DOCK2: variants seen among roughly 807,000 people sequenced by gnomAD.
DOCK2 encodes the protein dedicator of cytokinesis protein 2.
Under a neutral mutation model 248.9 loss-of-function variants are expected in DOCK2, and 87 were observed. That is an observed-to-expected ratio of 0.35 (90% confidence interval 0.29 to 0.42). The LOEUF (loss-of-function observed/expected upper bound fraction) is 0.42, where lower values mean the gene tolerates loss of function less well. DOCK2 is among the 10% of genes least tolerant of loss of function. The pLI is 1.00. For synonymous variants in DOCK2, 805 were observed against 821.6 expected (o/e 0.98, Z 0.35); for missense variants, 1,747 against 2,300.2 (o/e 0.76, Z 4.92).
intron 27 of DOCK2, 69 bp from the exon 28 acceptor site, chr5:169,982,998 AT>A (rs1777980584): frequency 3.3e-6 from 5 of 1,495,868 alleles, no homozygotes; most frequent in Non-Finnish European, 4.6e-6. Context: ...ATAAGGAGAC[AT>A]TTTCTCACAG....
chr5:170,008,331 G>T (rs1755146235), intron 30 of DOCK2, among the ~76,000 whole-genome samples, 166 bp from the exon 31 acceptor site: 1 of 152,170 alleles, frequency 6.6e-6, no homozygotes, highest in Admixed American at 6.5e-5. Flanking sequence ...CTTTGGCCAG[G>T]ATGTTAATTT....
At chr5:169,973,627 C>T (rs567161818) in intron 27 of DOCK2, among the ~76,000 whole-genome samples, 15 of 152,200 alleles carry the variant, frequency 9.9e-5, no homozygotes, top group Non-Finnish European at 1.6e-4. Flanking sequence ...CAGTGCCTGC[C>T]GGAAAAGCTA....
chr5:169,808,986 G>T (rs1482112746), intron 26 of DOCK2, among the ~76,000 whole-genome samples: 1 of 142,234 alleles, frequency 7.0e-6, no homozygotes, highest in Non-Finnish European at 1.5e-5. Context: ...ATGGTTTAAG[G>T]GTTCTGATTT....
At chr5:170,019,177 CT>C in intron 33 of DOCK2, 69 bp downstream of exon 33, 1 of 1,603,428 alleles carries the variant, frequency 6.2e-7, no homozygotes, top group Non-Finnish European at 8.5e-7. Flanking sequence ...TAATGATATC[CT>C]CATTCCATCT....
chr5:170,011,840 A>G (rs968019555), intron 32 of DOCK2, among the ~76,000 whole-genome samples: 4 of 152,230 alleles, frequency 2.6e-5, no homozygotes, highest in African/African-American at 9.6e-5. Flanking sequence ...GAAAAGGACA[A>G]TATGGCTGGA....
At chr5:169,802,823 C>T (rs1157523226) in intron 25 of DOCK2, among the ~76,000 whole-genome samples, 1 of 151,930 alleles carries the variant, frequency 6.6e-6, no homozygotes, top group Non-Finnish European at 1.5e-5. Flanking sequence ...ATAGAACATA[C>T]TAGAATATAC....
In DOCK2 at chr5:169,709,368, G is replaced by A. The variant is rs1381371341; in HGVS notation, c.1482+1101G>A. 4.6e-5 allele frequency among the ~76,000 whole-genome samples: 7 copies of A among 152,214 alleles called. No individual in the cohort carries two copies. The East Asian group carries it at 7.7e-4, about 17-fold the overall frequency. On this transcript the variant is annotated intron_variant, in intron 15 of 51. Transcript: ENST00000520908. ...GGTCCTTCTCATATGGCATCTCCCC[G>A]CAAAATGTTTTGTGGAATACTAAGT...
chr5:169,779,506 T>A (rs999523448), intron 25 of DOCK2: 1 of 152,222 alleles, frequency 6.6e-6, no homozygotes, highest in Non-Finnish European at 1.5e-5. Flanking sequence ...TGGTGTCCAA[T>A]GGCTCACACT....
chr5:169,674,652 T>C (rs1759232989), intron 6 of DOCK2, among the ~76,000 whole-genome samples: 1 of 152,202 alleles, frequency 6.6e-6, no homozygotes, highest in African/African-American at 2.4e-5. Context: ...GGCTTGTACT[T>C]AACATGGTGT....
At chr5:169,952,680 C>T (rs1215386719) in intron 27 of DOCK2, among the ~76,000 whole-genome samples, 1 of 152,150 alleles carries the variant, frequency 6.6e-6, no homozygotes, top group Non-Finnish European at 1.5e-5. Context: ...TTTTCCTAAT[C>T]CCGTGGATAT....
intron 27 of DOCK2, chr5:169,864,119 G>A (rs984635636): frequency 5.2e-5 from 35 of 677,382 alleles, no homozygotes; most frequent in Non-Finnish European, 7.5e-5. Context: ...GTCCAGCAGC[G>A]GCTACATCAG....
Position 169,684,290 on chromosome 5 carries a change from T to C in DOCK2, c.701T>C (p.Ile234Thr), listed in dbSNP as rs1267837574. Residue 234 changes from isoleucine (I) to threonine (T), a missense_variant, in exon 8 of 52, where the codon ATT (isoleucine) becomes ACT (threonine). Around this residue, in one of 4 missense-constraint regions of DOCK2, gnomAD observed 375 missense variants for 510.9 expected, o/e 0.73. Transcript: ENST00000520908. ...TTTGTGAGAAACTTTGTGTGCAGAA[T>C]TGGGGAAGATGCTGAGCTCTTCATG... ...YVFVRNFVCR[I>T]GEDAELFMSL... 6.2e-7 allele frequency: 1 copy of C among 1,614,174 alleles called. No individual in the cohort carries two copies. Among genetic ancestry groups the C allele is most frequent in the Non-Finnish European group, 8.5e-7 (1 of 1,180,012 alleles).
At position 169,759,744 on chromosome 5, in the gene DOCK2, G is replaced by A. The variant is rs1373147243; in HGVS notation, c.2416G>A (p.Val806Ile). 1 of 1,614,048 alleles carries A rather than the reference G, an allele frequency of 6.2e-7. No homozygotes were observed. Among genetic ancestry groups the A allele is most frequent in the South Asian group, 1.1e-5 (1 of 91,086 alleles). The change falls in exon 24 of 52, where the codon GTA becomes ATA. Residue 806 changes from valine (V) to isoleucine (I), a missense_variant. Around this residue, in one of 4 missense-constraint regions of DOCK2, gnomAD observed 858 missense variants for 1,183.5 expected, o/e 0.72. Coordinates refer to ENST00000520908, the MANE Select transcript of DOCK2 (RefSeq NM_004946.3). The part of the protein sequence containing the change: ...LKYIPSVLHD[V>I]EMVFDAKLLS... ...ATACATCCCATCTGTCCTGCATGAT[G>A]TAGAAATGGTCTTTGATGCGAAGTT...
intron 2 of DOCK2, among the ~76,000 whole-genome samples, chr5:169,664,582 C>T (rs1758616342): frequency 6.6e-6 from 1 of 152,198 alleles, no homozygotes; most frequent in South Asian, 2.1e-4. Flanking sequence ...AAAGAGGCCG[C>T]AGAAAACTTA....
chr5:169,996,114 G>T lies in DOCK2; in HGVS notation c.3022G>T (p.Ala1008Ser). ...CTTCCTGAGAGCTATCAACAAGTTTGCAGAAACCATGAACCAGAAGTTCCT... is the reference window on the plus strand; with the variant it reads ...CTTCCTGAGAGCTATCAACAAGTTTTCAGAAACCATGAACCAGAAGTTCCT... Reference protein sequence around the residue: ...RVFLRAINKFAETMNQKFLEH... With the variant: ...RVFLRAINKFSETMNQKFLEH... Residue 1008 changes from alanine to serine, a missense_variant, in exon 30 of 52, where the codon GCA becomes TCA. This residue lies in a region of DOCK2 where 858 missense variants were observed against 1,183.5 expected (regional missense o/e 0.72). Coordinates refer to ENST00000520908, the MANE Select transcript of DOCK2 (RefSeq NM_004946.3). The T allele has an allele frequency of 6.2e-7, 1 of 1,613,976 alleles. No homozygotes were observed. Among genetic ancestry groups the T allele is most frequent in the South Asian group, 1.1e-5 (1 of 91,076 alleles).
At chr5:170,019,141 T>TGCCTAATCCCCAGCCC (rs780982376) in intron 33 of DOCK2, 33 bp downstream of exon 33, 3 of 1,613,514 alleles carry the variant, frequency 1.9e-6, no homozygotes, top group Non-Finnish European at 2.5e-6. Flanking sequence ...CATGCCAGCA[T>TGCCTAATCCCCAGCCC]GCCTAATCCC....
At chr5:169,656,410 G>A (rs937068862) in intron 2 of DOCK2, among the ~76,000 whole-genome samples, 2 of 150,834 alleles carry the variant, frequency 1.3e-5, no homozygotes, top group African/African-American at 4.9e-5. Context: ...TGCAGCCTCC[G>A]CCTCCCAGAT....
intron 27 of DOCK2, among the ~76,000 whole-genome samples, chr5:169,959,159 G>A (rs1378633116): frequency 3.9e-5 from 6 of 152,132 alleles, no homozygotes; most frequent in East Asian, 1.9e-4. Context: ...TTGGGAGGCC[G>A]AGGGGGGCGG....
chr5:169,966,116 A>G lies in DOCK2; in HGVS notation c.2800-16952A>G, dbSNP rs553619318. ...GCAACAGAACATACTTTGAAGTTGT[A>G]AGGCCTTTAAAATTCCAAGATGAAA... On this transcript the variant is annotated intron_variant, in intron 27 of 51. Transcript: ENST00000520908. Among the ~76,000 whole-genome samples the G allele has an allele frequency of 3.9e-5, 6 of 152,370 alleles. No individual in the cohort carries two copies. The East Asian group carries it at 1.2e-3, about 29-fold the overall frequency.
Sources: gnomAD v4.1 joint callset for allele counts (sites outside exome capture counted in the v4.1 genomes callset) on GRCh38, gnomAD v4.1.1 for gene constraint, gnomAD v4.1.1 regional missense constraint, MANE v1.5 for transcripts, NCBI Gene and HGNC (gene_info 2026-07-23, HGNC 2026-07-21) for gene names.